The following VPS13C variants were observed in gnomAD, a reference collection of about 807,000 sequenced individuals.
VPS13C encodes the protein vacuolar protein sorting 13 homolog C.
A neutral mutation model predicts 456.8 loss-of-function variants in VPS13C; 358 were observed. The observed-to-expected ratio is 0.78, with a 90% CI of 0.72 to 0.86. VPS13C has a LOEUF of 0.86. VPS13C is among the 40% of genes least tolerant of loss of function. The probability of loss-of-function intolerance (pLI) is 0.00; values close to 1 mark genes in which losing one functional copy is unlikely to be tolerated. For missense variants in VPS13C, 4,818 were observed against 4,385.4 expected (o/e 1.10, Z -2.79); for synonymous variants, 1,578 against 1,486.7 (o/e 1.06, Z -1.41).
intron 1 of VPS13C, among the ~76,000 whole-genome samples, chr15:62,059,275 G>A (rs751708621): frequency 2.0e-5 from 3 of 152,138 alleles, no homozygotes; most frequent in Non-Finnish European, 4.4e-5. Flanking sequence ...CAGCTACAGT[G>A]GCTAGTGGTT....
chr15:61,913,365 A>G lies in VPS13C; in HGVS notation c.8496T>C (p.Asp2832=). 2 of 1,614,130 alleles carry G rather than the reference A, an allele frequency of 1.2e-6. No individual in the cohort carries two copies. Among genetic ancestry groups the G allele is most frequent in the Non-Finnish European group, 1.7e-6 (2 of 1,179,994 alleles). ...TCACACACCCATAACTTCCCACTGTATCCAATGAGAAACTACTGGACCAGG... is the reference window on the plus strand; with the variant it reads ...TCACACACCCATAACTTCCCACTGTGTCCAATGAGAAACTACTGGACCAGG... ...TSAWSSSFSL[D]TVGSYGCVKC... Residue 2832 remains aspartate (D), a synonymous_variant, in exon 62 of 85, where the codon GAT becomes GAC. Coordinates refer to ENST00000644861, the MANE Select transcript of VPS13C (RefSeq NM_020821.3).
Position 62,056,385 on chromosome 15 carries a change from G to A in VPS13C, c.100+3890C>T, listed in dbSNP as rs191250728. Among the ~76,000 whole-genome samples the A allele has an allele frequency of 4.6e-5, 7 of 152,320 alleles. No individual in the cohort carries two copies. The East Asian group carries it at 1.2e-3, about 25-fold the overall frequency. On this transcript the variant is annotated intron_variant, in intron 1 of 84. Transcript: ENST00000644861. Reference sequence around the variant, plus strand: ...CAGAGATAGGAGCTGAGGGGACATAGTGAGGTGTGACCAGAAGACAAGAGT... The same window carrying A: ...CAGAGATAGGAGCTGAGGGGACATAATGAGGTGTGACCAGAAGACAAGAGT...
In VPS13C at chr15:61,929,382, T is replaced by C. The variant is rs1285514544; in HGVS notation, c.6286+119A>G. The C allele has an allele frequency of 3.1e-6, 4 of 1,307,202 alleles. No homozygotes were observed. The East Asian group carries it at 1.0e-4, about 33-fold the overall frequency. 81.0% of individuals were successfully genotyped at this position (1,307,202 alleles called of 1,614,324 possible). Reference sequence around the variant, plus strand: ...AAAAAGCTAAAGTTTTTATATAGAATATGTTTAAATATAAAAGACTAATTT... The same window carrying C: ...AAAAAGCTAAAGTTTTTATATAGAACATGTTTAAATATAAAAGACTAATTT... On this transcript the variant is annotated intron_variant, in intron 51 of 84. Transcript: ENST00000644861.
At chr15:61,908,045 T>C (rs2043199725) in intron 65 of VPS13C, among the ~76,000 whole-genome samples, 1 of 152,218 alleles carries the variant, frequency 6.6e-6, no homozygotes, top group Admixed American at 6.5e-5. Context: ...CCTGGGGTCT[T>C]GCAGGAAAAG....
At chr15:61,952,118 G>T (rs1266250084) in intron 38 of VPS13C, 138 bp from the exon 39 acceptor site, 3 of 1,031,652 alleles carry the variant, frequency 2.9e-6, no homozygotes, top group East Asian at 5.2e-5. Context: ...ATTTGTGCCT[G>T]CAGTTTGGCA....
In VPS13C at chr15:62,023,488, C is replaced by T; in HGVS notation, c.547G>A (p.Val183Met). Residue 183 changes from valine (V) to methionine (M), a missense_variant, in exon 8 of 85, where the codon GTG (valine) becomes ATG (methionine). By Grantham distance (21) the Val-to-Met change is conservative. Coordinates refer to ENST00000644861, the MANE Select transcript of VPS13C (RefSeq NM_020821.3). ...ATTACTTGAGTTGCCAATTTTTCCA[C>T]AAATGTATCCTTTTTGGCTTCTTTT... ...KPKEAKKDTF[V>M]EKLATQVIKN... The T allele has an allele frequency of 5.1e-6, 8 of 1,582,820 alleles. No individual in the cohort carries two copies. Among genetic ancestry groups the T allele is most frequent in the Non-Finnish European group, 6.9e-6 (8 of 1,167,764 alleles).
chr15:61,988,605 T>C (rs2046131107), intron 18 of VPS13C, among the ~76,000 whole-genome samples: 3 of 152,204 alleles, frequency 2.0e-5, no homozygotes, highest in African/African-American at 4.8e-5. Context: ...CTAAAATTTA[T>C]GTGGAAATTT....
intron 61 of VPS13C, 68 bp downstream of exon 61, chr15:61,915,565 C>T: frequency 1.4e-6 from 2 of 1,461,376 alleles, no homozygotes; most frequent in South Asian, 2.9e-5. Context: ...TTAGGGAAGA[C>T]AAATGACTCC....
chr15:61,945,894 A>G lies in VPS13C; in HGVS notation c.4981-12T>C. 1 of 1,588,908 alleles carries G rather than the reference A, an allele frequency of 6.3e-7. No individual in the cohort carries two copies. Among genetic ancestry groups the G allele is most frequent in the South Asian group, 1.2e-5 (1 of 86,570 alleles). On this transcript the variant is annotated splice_polypyrimidine_tract_variant and intron_variant, in intron 44 of 84. Coordinates refer to ENST00000644861, the MANE Select transcript of VPS13C (RefSeq NM_020821.3). ...AAAATAGAGACAGCCTAAAAGTATT[A>G]GATTAACTGGTTATTATATCAAAAG... is the stretch of plus-strand genomic sequence containing the variant.
At chr15:61,915,328 G>A (rs2043435400) in intron 61 of VPS13C, among the ~76,000 whole-genome samples, 1 of 152,162 alleles carries the variant, frequency 6.6e-6, no homozygotes, top group South Asian at 2.1e-4. Flanking sequence ...CTTTAGAAAT[G>A]CCATTTCATC....
At chr15:61,938,006 C>T (rs1171013935) in intron 47 of VPS13C, among the ~76,000 whole-genome samples, 1 of 152,176 alleles carries the variant, frequency 6.6e-6, no homozygotes, top group East Asian at 1.9e-4. Flanking sequence ...CTGAATACCA[C>T]AGTACCCTAT....
In VPS13C at chr15:62,033,553, A is replaced by G; in HGVS notation, c.284-11T>C. ...CATCATACTTAATACCTAAAAATAT[A>G]CAGTCAATTCACACAAAAATAAATG... On this transcript the variant is annotated splice_polypyrimidine_tract_variant and intron_variant, in intron 4 of 84. Coordinates refer to ENST00000644861, the MANE Select transcript of VPS13C (RefSeq NM_020821.3). 6.5e-7 allele frequency: 1 copy of G among 1,531,656 alleles called. No individual in the cohort carries two copies. Among genetic ancestry groups the G allele is most frequent in the African/African-American group, 1.4e-5 (1 of 72,068 alleles). The allele number at this position is 1,531,656 out of a possible 1,614,324, so 94.9% of individuals were successfully genotyped here. A position where few individuals can be genotyped will look rare whatever the true frequency, so the allele number is the denominator to read the frequency against.
chr15:61,961,939 C>T (rs375669589), intron 34 of VPS13C, 46 bp from the exon 35 acceptor site: 203 of 1,542,560 alleles, frequency 1.3e-4, no homozygotes, highest in Non-Finnish European at 1.6e-4. Context: ...AGAATACAGG[C>T]ACATCAATAA....
Position 61,951,912 on chromosome 15 carries a change from T to G in VPS13C, c.4368A>C (p.Gln1456His), listed in dbSNP as rs2044809278. 1 of 1,613,952 alleles carries G rather than the reference T, an allele frequency of 6.2e-7. No homozygotes were observed. Among genetic ancestry groups the G allele is most frequent in the Non-Finnish European group, 8.5e-7 (1 of 1,179,898 alleles). ...TTTTAACTTTAGCTTCCATTCCAAG[T>G]TGCAGGACATTTAGCTCATGTAAAG... ...GRPLHELNVL[Q>H]LGMEAKVKTY... Residue 1456 changes from glutamine to histidine, a missense_variant, in exon 39 of 85, where the codon CAA (glutamine) becomes CAC (histidine). Coordinates refer to ENST00000644861, the MANE Select transcript of VPS13C (RefSeq NM_020821.3).
In VPS13C at chr15:61,908,991, CCT is replaced by C; in HGVS notation, c.8977_8978del (p.Ser2993TrpfsTer39). Reference protein sequence around the residue: ...TPWDILTYKQSGSPEEMVLLP... With the variant: ...TPWDILTYKQXGSPEEMVLLP... ...TTCCCATTAACCCTTTTTTCTCATA[CCT>C]CTGTTTGTATGTGAGGATGTCCCAT... On this transcript the variant is annotated frameshift_variant and splice_region_variant, in exon 65 of 85. Transcript: ENST00000644861. LOFTEE classifies it high-confidence loss of function. 7.5e-6 allele frequency: 12 copies of C among 1,609,772 alleles called. No homozygotes were observed. Among genetic ancestry groups the C allele is most frequent in the Non-Finnish European group, 9.3e-6 (11 of 1,178,414 alleles).
chr15:62,041,938 T>G (rs2048256427), intron 2 of VPS13C, among the ~76,000 whole-genome samples: 1 of 152,134 alleles, frequency 6.6e-6, no homozygotes, highest in Non-Finnish European at 1.5e-5. Context: ...GGTTACTTGT[T>G]TTAAGTAAAC....
rs375378448 is a variant in VPS13C, at chr15:61,854,478, G to A, written c.11241C>T (p.Leu3747=). 1 of 1,614,178 alleles carries A rather than the reference G, an allele frequency of 6.2e-7. No individual in the cohort carries two copies. Among genetic ancestry groups the A allele is most frequent in the Non-Finnish European group, 8.5e-7 (1 of 1,180,004 alleles). Residue 3747 remains leucine (L), a synonymous_variant, in exon 85 of 85, where the codon CTC becomes CTT. Coordinates refer to ENST00000644861, the MANE Select transcript of VPS13C (RefSeq NM_020821.3). ...GTGATTAAGATGGCAATTGGGGTCT[G>A]AGAAGTCTCACTGATGACTGCTTCA... ...KLMKQSSVRL[L]RPQLPS
intron 9 of VPS13C, among the ~76,000 whole-genome samples, chr15:62,018,084 G>C (rs1414156398): frequency 6.6e-6 from 1 of 151,634 alleles, no homozygotes; most frequent in Non-Finnish European, 1.5e-5. Context: ...TTGGCTCTCC[G>C]TTTGTCTGTT....
At chr15:61,935,414 T>C (rs1025891296) in intron 48 of VPS13C, 2 of 152,260 alleles carry the variant, frequency 1.3e-5, no homozygotes, top group Admixed American at 1.3e-4. Context: ...GAAAATTCTA[T>C]TTTTCTGAGA....
Sources: allele counts gnomAD v4.1 joint callset (sites outside exome capture counted in the v4.1 genomes callset), GRCh38; gene constraint gnomAD v4.1.1; transcripts MANE v1.5; gene names NCBI Gene and HGNC (gene_info 2026-07-23, HGNC 2026-07-21).